LRP1B: variants seen among roughly 807,000 people sequenced by gnomAD.
The protein encoded by LRP1B is low-density lipoprotein receptor-related protein 1B.
A neutral mutation model predicts 556.6 loss-of-function variants in LRP1B; 217 were observed. The ratio of observed to expected loss-of-function variants is 0.39; its 90% CI spans 0.35 to 0.44. The LOEUF (loss-of-function observed/expected upper bound fraction) is 0.44, where lower values mean the gene tolerates loss of function less well. LRP1B is among the 20% of genes least tolerant of loss of function. LRP1B has a pLI of 1.00. For synonymous variants in LRP1B, 2,047 were observed against 1,865.8 expected (o/e 1.10, Z -2.50); for missense variants, 5,053 against 5,620.8 (o/e 0.90, Z 3.23).
At chr2:141,254,356 T>C (rs989000499) in intron 4 of LRP1B, among the ~76,000 whole-genome samples, 166 bp downstream of exon 4, 1 of 152,132 alleles carries the variant, frequency 6.6e-6, no homozygotes, top group South Asian at 2.1e-4. Context: ...CATAAACTTA[T>C]AATAATGTTT....
chr2:141,418,517 G>A (rs1256450787), intron 3 of LRP1B, among the ~76,000 whole-genome samples: 2 of 150,480 alleles, frequency 1.3e-5, no homozygotes, highest in African/African-American at 4.9e-5. Flanking sequence ...TCCAGTTTGG[G>A]CACTCTTGTC....
chr2:141,399,963 A>G (rs4258750), intron 3 of LRP1B, among the ~76,000 whole-genome samples: 130,228 of 152,062 alleles, frequency 0.86, 57,440 homozygotes, highest in East Asian at 1. Flanking sequence ...CATCTACATT[A>G]TCTTTTTTGT....
At chr2:141,455,857 A>T (rs1227958419) in intron 3 of LRP1B, among the ~76,000 whole-genome samples, 1 of 152,240 alleles carries the variant, frequency 6.6e-6, no homozygotes, top group Non-Finnish European at 1.5e-5. Flanking sequence ...TCTATCATTC[A>T]AAGAATAATG....
At chr2:140,428,595 C>G (rs1479639539) in intron 66 of LRP1B, among the ~76,000 whole-genome samples, 2 of 152,180 alleles carry the variant, frequency 1.3e-5, no homozygotes, top group African/African-American at 4.8e-5. Flanking sequence ...ATCTTCTCGG[C>G]TTAGTGGCTG....
chr2:141,231,211 C>A (rs1683448713), intron 5 of LRP1B, among the ~76,000 whole-genome samples: 1 of 152,190 alleles, frequency 6.6e-6, no homozygotes, highest in Non-Finnish European at 1.5e-5. Flanking sequence ...ATGGAAGTAA[C>A]TAAGTCTCAA....
At position 141,765,710 on chromosome 2, in the gene LRP1B, C is replaced by T. The variant is rs192931060; in HGVS notation, c.205+44569G>A. On this transcript the variant is annotated intron_variant, in intron 2 of 90. Transcript: ENST00000389484. The stretch of plus-strand genomic sequence containing the variant: ...AAACCCTTTTTCAGCACCATCCAAG[C>T]TGTTCAGTTTCAAAGGGAGCAAAGG... Among the ~76,000 whole-genome samples, 699 of 152,322 alleles carry T rather than the reference C, an allele frequency of 4.6e-3. 11 individuals carry two copies. The South Asian group carries it at 0.05, about 11-fold the overall frequency.
intron 2 of LRP1B, among the ~76,000 whole-genome samples, chr2:141,550,385 C>A (rs766449648): frequency 1.1e-4 from 16 of 152,076 alleles, no homozygotes; most frequent in Non-Finnish European, 1.9e-4. Context: ...TTAAATTTTT[C>A]TCATTCTACA....
intron 1 of LRP1B, among the ~76,000 whole-genome samples, chr2:142,060,477 G>A (rs1237252474): frequency 6.6e-6 from 1 of 152,052 alleles, no homozygotes; most frequent in Non-Finnish European, 1.5e-5. Context: ...TTGAAAGTTT[G>A]AAAATCCATA....
At chr2:141,668,106 A>G (rs540247764) in intron 2 of LRP1B, among the ~76,000 whole-genome samples, 6 of 152,314 alleles carry the variant, frequency 3.9e-5, no homozygotes, top group Admixed American at 2.6e-4. Flanking sequence ...CTTATGGAAA[A>G]GACAACTTAG....
intron 2 of LRP1B, among the ~76,000 whole-genome samples, chr2:141,579,776 T>G (rs1204195361): frequency 7.3e-6 from 1 of 136,602 alleles, no homozygotes; most frequent in African/African-American, 2.7e-5. Flanking sequence ...CTCGGCTCAC[T>G]GAAAGCTCCG....
At chr2:141,860,718 G>A (rs1453280012) in intron 1 of LRP1B, among the ~76,000 whole-genome samples, 3 of 152,140 alleles carry the variant, frequency 2.0e-5, no homozygotes, top group African/African-American at 7.2e-5. Context: ...GGAAATGTTT[G>A]CATGGTAATA....
intron 7 of LRP1B, among the ~76,000 whole-genome samples, chr2:141,161,874 A>C (rs1352409257): frequency 1.3e-5 from 2 of 152,062 alleles, no homozygotes; most frequent in South Asian, 4.1e-4. Flanking sequence ...AGCAGGGGGA[A>C]GTGATTTGCA....
At chr2:141,082,956 A>G (rs987729374) in intron 7 of LRP1B, among the ~76,000 whole-genome samples, 2 of 152,210 alleles carry the variant, frequency 1.3e-5, no homozygotes, top group Admixed American at 6.5e-5. Flanking sequence ...ACCTTTGATC[A>G]CAAGCAACCA....
chr2:140,512,677 C>A (rs1313983145), intron 51 of LRP1B, among the ~76,000 whole-genome samples: 7 of 152,076 alleles, frequency 4.6e-5, no homozygotes, highest in Admixed American at 4.6e-4. Flanking sequence ...AAATGGGACC[C>A]TTAATATTCC....
At chr2:141,112,209 G>C (rs1254816568) in intron 7 of LRP1B, among the ~76,000 whole-genome samples, 1 of 152,072 alleles carries the variant, frequency 6.6e-6, no homozygotes, top group Non-Finnish European at 1.5e-5. Flanking sequence ...GCATCAAATA[G>C]CAGTGTCTTT....
chr2:141,555,875 C>G (rs1685943857), intron 2 of LRP1B, among the ~76,000 whole-genome samples: 1 of 151,732 alleles, frequency 6.6e-6, no homozygotes, highest in African/African-American at 2.4e-5. Context: ...CTTTCTATAC[C>G]AGGATACTAA....
intron 7 of LRP1B, among the ~76,000 whole-genome samples, chr2:141,167,048 G>A (rs1380426207): frequency 6.6e-6 from 1 of 151,742 alleles, no homozygotes; most frequent in Non-Finnish European, 1.5e-5. Context: ...GAAACTGGTT[G>A]TTACTTATTT....
At chr2:141,220,962 A>G (rs1683012240) in intron 6 of LRP1B, among the ~76,000 whole-genome samples, 1 of 152,140 alleles carries the variant, frequency 6.6e-6, no homozygotes, top group Admixed American at 6.6e-5. Context: ...CAGCCACTAA[A>G]AAGTACACAG....
At chr2:141,418,563 GCT>G (rs1680015574) in intron 3 of LRP1B, among the ~76,000 whole-genome samples, 3 of 151,666 alleles carry the variant, frequency 2.0e-5, no homozygotes, top group Non-Finnish European at 2.9e-5. Flanking sequence ...TTATTTCTGG[GCT>G]CTGTGTTCTG....
Sources: allele counts gnomAD v4.1 joint callset (sites outside exome capture counted in the v4.1 genomes callset), GRCh38; gene constraint gnomAD v4.1.1; transcripts MANE v1.5; gene names NCBI Gene and HGNC (gene_info 2026-07-23, HGNC 2026-07-21).